IL12RB2: variants seen among roughly 807,000 people sequenced by gnomAD.
IL12RB2 encodes interleukin-12 receptor subunit beta-2.
A neutral mutation model predicts 89.4 loss-of-function variants in IL12RB2; 82 were observed. The observed-to-expected ratio is 0.92, with a 90% confidence interval of 0.77 to 1.10. The LOEUF (loss-of-function observed/expected upper bound fraction) is 1.10. IL12RB2 is among the 50% of genes least tolerant of loss of function. The probability of loss-of-function intolerance (pLI) is 0.00; values close to 1 mark genes in which losing one functional copy is unlikely to be tolerated. For synonymous variants in IL12RB2, 368 were observed against 370.1 expected (o/e 0.99, Z 0.07); for missense variants, 963 against 1,031.9 (o/e 0.93, Z 0.92).
intron 10 of IL12RB2, among the ~76,000 whole-genome samples, chr1:67,358,176 C>T (rs2100900551): frequency 6.6e-6 from 1 of 151,808 alleles, no homozygotes; most frequent in South Asian, 2.1e-4. Flanking sequence ...CTAGATATGT[C>T]AATAACAAAA....
In IL12RB2 at chr1:67,386,586, C is replaced by T. The variant is rs1398338693; in HGVS notation, c.1863C>T (p.Ala621=). ...GATTTCCTAACTTTTCAGGTAAAGC[C>T]AATTGGATGGCGTTTGTGGCACCAA... ...NEREFCLQGK[A]NWMAFVAPSI... is the part of the protein sequence containing the mutation. Residue 621 remains alanine, a synonymous_variant, in exon 15 of 17, where the codon GCC becomes GCT. Coordinates refer to ENST00000674203, the MANE Select transcript of IL12RB2 (RefSeq NM_001374259.2). 1.1e-5 allele frequency: 18 copies of T among 1,611,646 alleles called. No individual in the cohort carries two copies. The highest frequency in any genetic ancestry group is 1.5e-5 in the Non-Finnish European group (18 of 1,177,846).
At chr1:67,377,801 A>G (rs973627778) in intron 13 of IL12RB2, among the ~76,000 whole-genome samples, 1 of 149,942 alleles carries the variant, frequency 6.7e-6, no homozygotes, top group African/African-American at 2.5e-5. Flanking sequence ...TTCAACCTCA[A>G]CCTCAAAGTT....
chr1:67,385,672 A>G (rs1665055667), intron 14 of IL12RB2, among the ~76,000 whole-genome samples: 1 of 152,270 alleles, frequency 6.6e-6, no homozygotes, highest in Non-Finnish European at 1.5e-5. Context: ...GCCAATTCCA[A>G]TAAGTAGTAA....
At chr1:67,320,286 A>G (rs560706569) in intron 2 of IL12RB2, 47 bp from the exon 3 acceptor site, 10 of 1,610,796 alleles carry the variant, frequency 6.2e-6, no homozygotes, top group Non-Finnish European at 7.6e-6. Context: ...TGGCTCTGGT[A>G]TTTTCTGAAC....
At position 67,316,699 on chromosome 1, in the gene IL12RB2, G is replaced by A. The variant is rs79490545; in HGVS notation, c.-37+2699G>A. The stretch of plus-strand genomic sequence containing the variant: ...TCTGTACCTCTCCCTTGGCAAGCTC[G>A]TTCCTCTGCCTCCAGGCTGTGCATT... On this transcript the variant is annotated intron_variant, in intron 2 of 16. Transcript: ENST00000674203. 4.6e-3 allele frequency among the ~76,000 whole-genome samples: 698 copies of A among 152,078 alleles called. 3 individuals carry two copies. Among genetic ancestry groups the A allele is most frequent in the African/African-American group, 0.016 (659 of 41,470 alleles).
intron 10 of IL12RB2, among the ~76,000 whole-genome samples, chr1:67,359,716 A>C (rs6702599): frequency 0.75 from 114,077 of 151,752 alleles, 44,282 homozygotes; most frequent in East Asian, 0.95. Context: ...AGCATCTCAA[A>C]AAAAAAACAA....
chr1:67,350,875 G>A lies in IL12RB2; in HGVS notation c.1044G>A (p.Leu348=), dbSNP rs769968606. ...RQQISLFWKN[L]SVSEARGKIL... is the part of the protein sequence containing the mutation. ...ATAAATGTGTCTTGTTGCAGAATCT[G>A]AGTGTCTCAGAGGCAAGAGGAAAAA... is the stretch of plus-strand genomic sequence containing the variant. Residue 348 remains leucine, a synonymous_variant, in exon 10 of 17, where the codon CTG becomes CTA. Coordinates refer to ENST00000674203, the MANE Select transcript of IL12RB2 (RefSeq NM_001374259.2). 10 of 1,613,956 alleles carry A rather than the reference G, an allele frequency of 6.2e-6. No homozygotes were observed. The South Asian group carries it at 1.1e-4, about 18-fold the overall frequency.
At position 67,326,813 on chromosome 1, in the gene IL12RB2, G is replaced by A. The variant is rs760545230; in HGVS notation, c.443G>A (p.Gly148Glu). 1 of 1,613,846 alleles carries A rather than the reference G, an allele frequency of 6.2e-7. No homozygotes were observed. Among genetic ancestry groups the A allele is most frequent in the African/African-American group, 1.3e-5 (1 of 75,008 alleles). The change falls in exon 5 of 17, where the codon GGA (glycine) becomes GAA (glutamate). Residue 148 changes from glycine (G) to glutamate (E), a missense_variant. Physicochemically the swap from Gly to Glu is moderately conservative, Grantham distance 98 (BLOSUM62 -2). Transcript: ENST00000674203. ...ACTGTGGCCTGCACCTGGGAAAGAG[G>A]ACGAGACACCCACTTATACACTGAG... ...QGTVACTWER[G>E]RDTHLYTEYT...
At chr1:67,320,196 A>T (rs1156636367) in intron 2 of IL12RB2, 137 bp from the exon 3 acceptor site, 8 of 1,347,516 alleles carry the variant, frequency 5.9e-6, no homozygotes, top group Middle Eastern at 2.6e-4. Flanking sequence ...TTTTAAAGGT[A>T]CATGTCATTT....
chr1:67,327,118 G>A (rs17838042), intron 5 of IL12RB2, among the ~76,000 whole-genome samples: 5 of 151,424 alleles, frequency 3.3e-5, no homozygotes, highest in African/African-American at 1.2e-4. Context: ...CCACCACCAC[G>A]CCCAGCTAAT....
chr1:67,315,468 T>C (rs1294095971), intron 2 of IL12RB2, among the ~76,000 whole-genome samples: 3 of 152,184 alleles, frequency 2.0e-5, no homozygotes, highest in Admixed American at 1.3e-4. Context: ...CATAATTTTA[T>C]CTATGCCAGA....
chr1:67,375,549 G>A (rs1400650358), intron 13 of IL12RB2, among the ~76,000 whole-genome samples: 1 of 152,210 alleles, frequency 6.6e-6, no homozygotes, highest in Non-Finnish European at 1.5e-5. Flanking sequence ...GGTTGAGGAG[G>A]AGGGAGAAAG....
rs1333022885 is a variant in IL12RB2, at chr1:67,329,704, C to A, written c.782C>A (p.Pro261His). 1 of 1,607,310 alleles carries A rather than the reference C, an allele frequency of 6.2e-7. No individual in the cohort carries two copies. Among genetic ancestry groups the A allele is most frequent in the Admixed American group, 1.7e-5 (1 of 59,992 alleles). Reference sequence around the variant, plus strand: ...CTGCTTAATCGACTCAGATATCGGCCCAGTAACAGCAGGCTCTGGAATATG... The same window carrying A: ...CTGCTTAATCGACTCAGATATCGGCACAGTAACAGCAGGCTCTGGAATATG... ...LVLLNRLRYR[P>H]SNSRLWNMVN... is the part of the protein sequence containing the mutation. Residue 261 changes from proline to histidine, a missense_variant, in exon 7 of 17, where the codon CCC (proline) becomes CAC (histidine). Transcript: ENST00000674203.
chr1:67,387,479 G>A (rs1357153308), intron 15 of IL12RB2, among the ~76,000 whole-genome samples: 1 of 151,286 alleles, frequency 6.6e-6, no homozygotes, highest in Non-Finnish European at 1.5e-5. Context: ...GAGGCGGGCG[G>A]ATCACCAGGT....
chr1:67,391,675 T>C (rs2100306923), intron 16 of IL12RB2, among the ~76,000 whole-genome samples: 1 of 151,772 alleles, frequency 6.6e-6, no homozygotes. Context: ...CTTGTTCTGT[T>C]GCCCAGGCTG....
At chr1:67,374,208 C>A (rs1021326659) in intron 13 of IL12RB2, among the ~76,000 whole-genome samples, 6 of 152,172 alleles carry the variant, frequency 3.9e-5, no homozygotes, top group African/African-American at 1.4e-4. Context: ...TTTTTATCAT[C>A]TCTGTAGTAT....
intron 13 of IL12RB2, among the ~76,000 whole-genome samples, chr1:67,377,220 T>A (rs1396290856): frequency 1.3e-5 from 2 of 152,206 alleles, no homozygotes; most frequent in Admixed American, 1.3e-4. Context: ...GATTCTTTGC[T>A]TTTGTATTGT....
chr1:67,388,766 T>C (rs1016612039), intron 15 of IL12RB2, among the ~76,000 whole-genome samples: 10 of 152,248 alleles, frequency 6.6e-5, no homozygotes, highest in African/African-American at 2.4e-4. Flanking sequence ...AAAGAAAAGA[T>C]TTTTAATGAG....
rs1656357283 is a variant in IL12RB2, at chr1:67,320,560, C to T, written c.76+116C>T. On this transcript the variant is annotated intron_variant, in intron 3 of 16. Transcript: ENST00000674203. ...GTAGTTGGTCTTTTGTAGTCAATCT[C>T]TGTCATTTAAGTGGATAAGTCTGGT... 1.5e-5 allele frequency: 24 copies of T among 1,557,688 alleles called. 1 individual carries two copies. The South Asian group carries it at 2.8e-4, about 18-fold the overall frequency.
Sources: gnomAD v4.1 joint callset for allele counts (sites outside exome capture counted in the v4.1 genomes callset) on GRCh38, gnomAD v4.1.1 for gene constraint, MANE v1.5 for transcripts, NCBI Gene and HGNC (gene_info 2026-07-23, HGNC 2026-07-21) for gene names.